The following SLC39A11 variants were observed in gnomAD, a reference collection of about 807,000 sequenced individuals.
SLC39A11 encodes solute carrier family 39 member 11.
SLC39A11 carries 33 observed loss-of-function variants against 36.1 expected under a neutral mutation model. The ratio of observed to expected loss-of-function variants is 0.91; its 90% CI spans 0.69 to 1.22. The LOEUF (loss-of-function observed/expected upper bound fraction) is 1.22, where lower values mean the gene tolerates loss of function less well. Ranked by LOEUF, SLC39A11 falls within the 50% of genes most tolerant of loss-of-function variation. The pLI is 0.00. For synonymous variants in SLC39A11, 166 were observed against 170.3 expected, an observed-to-expected ratio of 0.97 and a Z score of 0.20; for missense variants, 432 against 430.3, an observed-to-expected ratio of 1.00 and a Z score of -0.03.
intron 7 of SLC39A11, among the ~76,000 whole-genome samples, chr17:72,652,194 G>A (rs532524201): frequency 6.6e-6 from 1 of 152,290 alleles, no homozygotes; most frequent in African/African-American, 2.4e-5. Flanking sequence ...GCCAGATTTG[G>A]CCCATGGGCT....
chr17:72,837,690 A>G (rs2078626773), intron 6 of SLC39A11: 2 of 189,110 alleles, frequency 1.1e-5, no homozygotes, highest in Admixed American at 1.2e-4. Flanking sequence ...TATCCATAGA[A>G]TAGAGTATTA....
chr17:72,996,762 CAT>C (rs1568091802), intron 4 of SLC39A11, among the ~76,000 whole-genome samples: 1 of 152,246 alleles, frequency 6.6e-6, no homozygotes, highest in Non-Finnish European at 1.5e-5. Flanking sequence ...TTCCAAGAAA[CAT>C]ATATTTTGGG....
chr17:72,896,001 G>A (rs374070014), intron 5 of SLC39A11, among the ~76,000 whole-genome samples: 10 of 151,760 alleles, frequency 6.6e-5, no homozygotes, highest in African/African-American at 4.8e-5. Context: ...TTTTTTTGGT[G>A]TGCATATGTA....
chr17:73,037,828 G>A (rs1247961985), intron 3 of SLC39A11, among the ~76,000 whole-genome samples: 1 of 152,230 alleles, frequency 6.6e-6, no homozygotes, highest in Non-Finnish European at 1.5e-5. Flanking sequence ...GAAGGTTTGG[G>A]TGGGGCCCAT....
intron 3 of SLC39A11, among the ~76,000 whole-genome samples, chr17:73,038,963 C>G (rs2059019790): frequency 6.6e-6 from 1 of 152,090 alleles, no homozygotes; most frequent in South Asian, 2.1e-4. Flanking sequence ...ATCTCCCATG[C>G]CCCTTCTTCC....
intron 9 of SLC39A11, among the ~76,000 whole-genome samples, chr17:72,648,008 A>T (rs1335741236): frequency 2.0e-5 from 3 of 152,162 alleles, no homozygotes; most frequent in Non-Finnish European, 2.9e-5. Context: ...CTGGCCTTTT[A>T]AACTAGCCTC....
intron 6 of SLC39A11, among the ~76,000 whole-genome samples, chr17:72,737,030 C>T (rs1299230955): frequency 1.3e-5 from 2 of 151,980 alleles, no homozygotes; most frequent in South Asian, 2.1e-4. Context: ...AATGCCAGCA[C>T]TCTGGGAGGC....
At chr17:72,736,356 T>C (rs1396905476) in intron 7 of SLC39A11, among the ~76,000 whole-genome samples, 2 of 152,168 alleles carry the variant, frequency 1.3e-5, no homozygotes, top group Admixed American at 6.5e-5. Flanking sequence ...CTTTGTTTTT[T>C]GTCATTAGTC....
chr17:73,058,813 G>C (rs1195693096), intron 3 of SLC39A11, among the ~76,000 whole-genome samples: 4 of 152,216 alleles, frequency 2.6e-5, no homozygotes, highest in Non-Finnish European at 5.9e-5. Flanking sequence ...AGAGAACTCA[G>C]GAGGCCTTGC....
chr17:72,793,583 C>T (rs1442490347), intron 6 of SLC39A11, among the ~76,000 whole-genome samples: 1 of 152,012 alleles, frequency 6.6e-6, no homozygotes, highest in Non-Finnish European at 1.5e-5. Flanking sequence ...GAGGGAAATG[C>T]TTCTTTTTTT....
intron 5 of SLC39A11, among the ~76,000 whole-genome samples, chr17:72,896,557 G>A (rs978744977): frequency 5.3e-5 from 8 of 152,042 alleles, no homozygotes; most frequent in South Asian, 2.1e-4. Flanking sequence ...CCCCAACAGC[G>A]TACCGAAAGA....
intron 7 of SLC39A11, among the ~76,000 whole-genome samples, chr17:72,703,541 T>C (rs1410352739): frequency 6.6e-6 from 1 of 152,214 alleles, no homozygotes; most frequent in Non-Finnish European, 1.5e-5. Flanking sequence ...ATTCTTTGTC[T>C]TGACAATATG....
At position 72,691,940 on chromosome 17, in the gene SLC39A11, C is replaced by T. The variant is rs117376701; in HGVS notation, c.672-42672G>A. ...GAATCAGGAGACAGGAAACGGGACT[C>T]GCCTGCTGAACCTGGGAGCCTGTGC... On this transcript the variant is annotated intron_variant, in intron 7 of 9. Transcript: ENST00000255559. 3.0e-3 allele frequency among the ~76,000 whole-genome samples: 462 copies of T among 152,064 alleles called. 3 individuals carry two copies. The highest frequency in any genetic ancestry group is 5.4e-3 in the Non-Finnish European group (367 of 68,006).
intron 5 of SLC39A11, among the ~76,000 whole-genome samples, chr17:72,868,646 A>AAAAAG (rs2080443191): frequency 6.7e-6 from 1 of 148,570 alleles, no homozygotes; most frequent in Non-Finnish European, 1.5e-5. Context: ...AAAAAAAAAA[A>AAAAAG]AAAGAAAGAA....
At chr17:73,061,977 T>C (rs937697348) in intron 3 of SLC39A11, among the ~76,000 whole-genome samples, 2 of 152,044 alleles carry the variant, frequency 1.3e-5, no homozygotes, top group Admixed American at 6.6e-5. Flanking sequence ...CCAGCCTGGG[T>C]GACAGACTGA....
chr17:72,862,112 C>T (rs1290926157), intron 5 of SLC39A11, among the ~76,000 whole-genome samples: 4 of 152,056 alleles, frequency 2.6e-5, no homozygotes, highest in African/African-American at 9.7e-5. Flanking sequence ...GAGTCAGGGG[C>T]CATTGCCTTT....
intron 5 of SLC39A11, among the ~76,000 whole-genome samples, chr17:72,882,265 A>T (rs1383693766): frequency 6.6e-6 from 1 of 151,616 alleles, no homozygotes; most frequent in East Asian, 1.9e-4. Flanking sequence ...CTGACGCAGG[A>T]GAATCGCTTG....
intron 4 of SLC39A11, among the ~76,000 whole-genome samples, chr17:73,015,680 T>C (rs1459832895): frequency 6.6e-6 from 1 of 152,098 alleles, no homozygotes; most frequent in Admixed American, 6.5e-5. Context: ...ACCTCCAGGT[T>C]CAAGCAATTC....
At chr17:72,951,882 C>T (rs2085887434) in intron 4 of SLC39A11, among the ~76,000 whole-genome samples, 1 of 152,158 alleles carries the variant, frequency 6.6e-6, no homozygotes, top group South Asian at 2.1e-4. Context: ...CTGACTCCCT[C>T]TTCCCCTCCA....
Sources: gnomAD v4.1 joint callset for allele counts (sites outside exome capture counted in the v4.1 genomes callset) on GRCh38, gnomAD v4.1.1 for gene constraint, MANE v1.5 for transcripts, NCBI Gene and HGNC (gene_info 2026-07-23, HGNC 2026-07-21) for gene names.